MGAM: variants seen among roughly 807,000 people sequenced by gnomAD.
MGAM encodes maltase-glucoamylase.
A neutral mutation model predicts 358.8 loss-of-function variants in MGAM; 253 were observed. The observed-to-expected ratio is 0.71, with a 90% confidence interval of 0.64 to 0.78. MGAM has a LOEUF of 0.78. MGAM is among the 30% of genes least tolerant of loss of function. The pLI, the probability that MGAM is intolerant of heterozygous loss-of-function variation, is 0.00. For missense variants in MGAM, 3,080 were observed against 3,432.6 expected (o/e 0.90, Z 2.57); for synonymous variants, 1,105 against 1,227.1 (o/e 0.90, Z 2.08).
chr7:142,000,956 T>C (rs547855834), intron 1 of MGAM, among the ~76,000 whole-genome samples: 155 of 152,324 alleles, frequency 1.0e-3, no homozygotes, highest in African/African-American at 3.7e-3. Flanking sequence ...TCTCACATCT[T>C]ACAACTATTA....
At chr7:142,047,681 C>A in intron 21 of MGAM, 104 bp from the exon 22 acceptor site, 1 of 1,047,822 alleles carries the variant, frequency 9.5e-7, no homozygotes, top group Non-Finnish European at 1.4e-6. Context: ...GAACCATCTG[C>A]TGCTAGTAAC....
chr7:142,033,943 C>A (rs1022030859), intron 14 of MGAM, among the ~76,000 whole-genome samples: 3 of 152,182 alleles, frequency 2.0e-5, no homozygotes. Flanking sequence ...TATTTCCATT[C>A]TTGGACCACT....
intron 3 of MGAM, among the ~76,000 whole-genome samples, chr7:142,011,070 T>G (rs1249806266): frequency 1.3e-5 from 2 of 152,156 alleles, no homozygotes; most frequent in African/African-American, 4.8e-5. Context: ...GTTACGTGCT[T>G]AAAGATAAAC....
rs1235749422 is a variant in MGAM, at chr7:142,032,612, T to C, written c.1585-213T>C. Among the ~76,000 whole-genome samples, 5 of 152,300 alleles carry C rather than the reference T, an allele frequency of 3.3e-5. No homozygotes were observed. In the East Asian group the frequency reaches 9.6e-4, roughly 29 times the overall value. Reference sequence around the variant, plus strand: ...TTGGGAATTGTTCATTTTCAGCGATTATAGACATATTATTTGAAGAGAGGT... The same window carrying C: ...TTGGGAATTGTTCATTTTCAGCGATCATAGACATATTATTTGAAGAGAGGT... On this transcript the variant is annotated intron_variant, in intron 13 of 70. Transcript: ENST00000475668.
chr7:142,064,347 A>C (rs1333703110), intron 36 of MGAM, 37 bp from the exon 37 acceptor site: 1 of 1,587,034 alleles, frequency 6.3e-7, no homozygotes, highest in South Asian at 1.2e-5. Context: ...AAACAGAATC[A>C]GGGCTGGGTT....
At chr7:142,035,313 T>C (rs782468068) in intron 16 of MGAM, among the ~76,000 whole-genome samples, 5 of 152,212 alleles carry the variant, frequency 3.3e-5, no homozygotes, top group Non-Finnish European at 5.9e-5. Context: ...AAAGCATAAA[T>C]ATAGTAAAGA....
chr7:142,041,912 TATACGTATAA>T (rs1563144425), intron 21 of MGAM, among the ~76,000 whole-genome samples: 3,697 of 31,426 alleles, frequency 0.12, 285 homozygotes, highest in Non-Finnish European at 0.15. Context: ...ATATTATATA[TATACGTATAA>T]TATATAATAT....
upstream of MGAM, among the ~76,000 whole-genome samples, chr7:141,994,483 A>G (rs545732951): frequency 7.2e-5 from 11 of 152,290 alleles, no homozygotes; most frequent in South Asian, 2.3e-3. Context: ...GTCAGTTCCC[A>G]GGAGGGGTGT....
chr7:142,041,933 A>ATG (rs1554468876), intron 21 of MGAM, among the ~76,000 whole-genome samples: 1 of 22,980 alleles, frequency 4.4e-5, no homozygotes, highest in Admixed American at 9.7e-4. Flanking sequence ...TATATAATAT[A>ATG]TATATTATAT....
At chr7:142,046,813 C>T (rs968176757) in intron 21 of MGAM, among the ~76,000 whole-genome samples, 1 of 152,080 alleles carries the variant, frequency 6.6e-6, no homozygotes, top group African/African-American at 2.4e-5. Context: ...TTCTGGACTC[C>T]TAGAATATCC....
rs1233323623 is a variant in MGAM, at chr7:142,083,231, G to A, written c.6269-70G>A. ...AGGGAGGGTGCAGGAAATAGAGAAT[G>A]TGTGGATTTCAGGGGTGATTCATGA... On this transcript the variant is annotated intron_variant, in intron 52 of 70. Coordinates refer to ENST00000475668, the MANE Select transcript of MGAM (RefSeq NM_001365693.1). 7 of 1,181,074 alleles carry A rather than the reference G, an allele frequency of 5.9e-6. No individual in the cohort carries two copies. In the African/African-American group the frequency reaches 1.0e-4, roughly 17 times the overall value. The allele number at this position is 1,181,074 out of a possible 1,614,324, so 73.2% of individuals were successfully genotyped here.
chr7:141,989,678 G>A (rs1308002142), intron 2 of MGAM, among the ~76,000 whole-genome samples: 3 of 151,686 alleles, frequency 2.0e-5, no homozygotes, highest in African/African-American at 7.3e-5. Context: ...GCTGCTGTAT[G>A]GAGGCTGAGA....
In MGAM at chr7:142,064,591, C is replaced by A. The variant is rs568406835; in HGVS notation, c.4484+69C>A. 70 of 1,521,280 alleles carry A rather than the reference C, an allele frequency of 4.6e-5. No homozygotes were observed. In the African/African-American group the frequency reaches 9.4e-4, roughly 20 times the overall value. The allele number at this position is 1,521,280 out of a possible 1,614,324, so 94.2% of individuals were successfully genotyped here. On this transcript the variant is annotated intron_variant, in intron 37 of 70. Coordinates refer to ENST00000475668, the MANE Select transcript of MGAM (RefSeq NM_001365693.1). ...ATTGCCAGTGACTGACATAGCTACC[C>A]TAGTTTTCCTTTCATTCCATTTCTA...
In MGAM at chr7:142,012,636, A is replaced by T. The variant is rs146215065; in HGVS notation, c.327+3931A>T. On this transcript the variant is annotated intron_variant, in intron 3 of 70. Transcript: ENST00000475668. ...TATCCAAACTTAGTGGTTTGCAGCAACAATTGTTTTATTATATGTAGTGAT... is the reference window on the plus strand; with the variant it reads ...TATCCAAACTTAGTGGTTTGCAGCATCAATTGTTTTATTATATGTAGTGAT... Among the ~76,000 whole-genome samples the T allele has an allele frequency of 3.1e-4, 47 of 152,284 alleles. No homozygotes were observed. In the East Asian group the frequency reaches 3.3e-3, roughly 11 times the overall value.
At chr7:142,030,287 T>A (rs530523519) in intron 10 of MGAM, 75 bp from the exon 11 acceptor site, 2 of 1,470,250 alleles carry the variant, frequency 1.4e-6, no homozygotes, top group Non-Finnish European at 1.9e-6. Context: ...TCCTGAATAA[T>A]AACAGTGAAA....
At chr7:142,067,092 T>C (rs4283959) in intron 41 of MGAM, among the ~76,000 whole-genome samples, 33,942 of 145,072 alleles carry the variant, frequency 0.23, 7,855 homozygotes, top group East Asian at 0.53. Flanking sequence ...AAATGTGCCA[T>C]GGTTAAGAAA....
chr7:142,009,999 A>G (rs1225056032), intron 3 of MGAM, among the ~76,000 whole-genome samples: 3 of 152,132 alleles, frequency 2.0e-5, no homozygotes, highest in Non-Finnish European at 4.4e-5. Context: ...ATATAATTTT[A>G]TCATTCTTAT....
intron 67 of MGAM, among the ~76,000 whole-genome samples, chr7:142,100,457 A>T (rs1240281352): frequency 6.6e-6 from 1 of 152,064 alleles, no homozygotes; most frequent in East Asian, 1.9e-4. Context: ...TGAAAATAGA[A>T]CTCCCTGTAT....
intron 2 of MGAM, 119 bp downstream of exon 2, chr7:142,005,776 T>G: frequency 1.0e-6 from 1 of 972,798 alleles, no homozygotes; most frequent in Non-Finnish European, 1.5e-6. Context: ...CGGGGGCTGT[T>G]ATATGTGTGT....
Sources: gnomAD v4.1 joint callset for allele counts (sites outside exome capture counted in the v4.1 genomes callset) on GRCh38, gnomAD v4.1.1 for gene constraint, MANE v1.5 for transcripts, NCBI Gene and HGNC (gene_info 2026-07-23, HGNC 2026-07-21) for gene names.